Variants in PKD1L1 observed in about 807,000 individuals in gnomAD.
PKD1L1 encodes polycystin-1-like protein 1.
Under a neutral mutation model 323.4 loss-of-function variants are expected in PKD1L1, and 236 were observed. That is an observed-to-expected ratio of 0.73 (90% CI 0.66 to 0.81). PKD1L1 has a LOEUF of 0.81. Ranked by LOEUF, PKD1L1 falls within the 40% of genes least tolerant of loss-of-function variation. The pLI is 0.00. For missense variants in PKD1L1, 3,320 were observed against 3,508.0 expected, an observed-to-expected ratio of 0.95 and a Z score of 1.35; for synonymous variants, 1,344 against 1,335.0, an observed-to-expected ratio of 1.01 and a Z score of -0.15.
At chr7:47,943,159 AAAAAATATATATATATATAT>A (rs1424669535) in intron 2 of PKD1L1, among the ~76,000 whole-genome samples, 17 of 73,760 alleles carry the variant, frequency 2.3e-4, no homozygotes, top group Non-Finnish European at 3.7e-4. Flanking sequence ...AAAAAAAAAA[AAAAAATATATATATATATAT>A]ATATATATAT....
intron 21 of PKD1L1, 44 bp downstream of exon 21, chr7:47,880,684 G>C: frequency 6.8e-7 from 1 of 1,478,592 alleles, no homozygotes; most frequent in Non-Finnish European, 9.3e-7. Context: ...AGACGCAGCA[G>C]GACTCCTCAT....
At chr7:47,872,511 TAC>T (rs1343730288) in intron 24 of PKD1L1, among the ~76,000 whole-genome samples, 1 of 152,172 alleles carries the variant, frequency 6.6e-6, no homozygotes, top group Non-Finnish European at 1.5e-5. Context: ...ATTATAAAAA[TAC>T]AGATAACCTA....
intron 33 of PKD1L1, among the ~76,000 whole-genome samples, chr7:47,843,946 A>T (rs1439286605): frequency 6.6e-6 from 1 of 151,786 alleles, no homozygotes; most frequent in African/African-American, 2.4e-5. Flanking sequence ...CTTTTTTCCC[A>T]CCAAGATAGA....
At chr7:47,947,981 TAAGACCCCTGGGCC>T (rs1277509191) in intron 1 of PKD1L1, among the ~76,000 whole-genome samples, 1 of 151,802 alleles carries the variant, frequency 6.6e-6, no homozygotes, top group Non-Finnish European at 1.5e-5. Flanking sequence ...AAAAAAGAAA[TAAGACCCCTGGGCC>T]AAGACCCCAT....
intron 41 of PKD1L1, among the ~76,000 whole-genome samples, chr7:47,832,881 C>T (rs1785376301): frequency 6.6e-6 from 1 of 152,254 alleles, no homozygotes; most frequent in Non-Finnish European, 1.5e-5. Context: ...TCTGACCAAA[C>T]TTACGTTAAG....
intron 56 of PKD1L1, among the ~76,000 whole-genome samples, chr7:47,781,387 GTTTTT>G (rs200570381): frequency 2.5e-5 from 3 of 121,702 alleles, no homozygotes; most frequent in Admixed American, 9.0e-5. Flanking sequence ...AGAACAAAAG[GTTTTT>G]TTTTTTGTTT....
chr7:47,898,855 C>T (rs548955347), intron 13 of PKD1L1, among the ~76,000 whole-genome samples: 11 of 151,948 alleles, frequency 7.2e-5, no homozygotes, highest in Admixed American at 2.0e-4. Context: ...AAAACATACC[C>T]TTGTGCAATT....
At chr7:47,888,985 G>A (rs781149809) in intron 16 of PKD1L1, among the ~76,000 whole-genome samples, 3 of 152,226 alleles carry the variant, frequency 2.0e-5, no homozygotes, top group South Asian at 2.1e-4. Context: ...TGCACCTGAC[G>A]GCCCACGTCT....
chr7:47,956,646 A>AT, the PKD1L1 span: 2 of 152,266 alleles, frequency 1.3e-5, no homozygotes, highest in Non-Finnish European at 2.9e-5. Context: ...ATATCAATGT[A>AT]TAACTACAAA....
At chr7:47,810,619 A>G (rs1029514744) in intron 50 of PKD1L1, among the ~76,000 whole-genome samples, 1 of 152,140 alleles carries the variant, frequency 6.6e-6, no homozygotes, top group East Asian at 1.9e-4. Context: ...AGAGTCTAAA[A>G]CCTCTTGGGA....
intron 24 of PKD1L1, among the ~76,000 whole-genome samples, chr7:47,869,487 T>G (rs1176666928): frequency 6.6e-6 from 1 of 152,018 alleles, no homozygotes; most frequent in Non-Finnish European, 1.5e-5. Context: ...AAAAAGAAAT[T>G]AGACAAAAAC....
chr7:47,950,580 C>T (rs1022316094), upstream of PKD1L1, among the ~76,000 whole-genome samples: 3 of 152,092 alleles, frequency 2.0e-5, no homozygotes, highest in African/African-American at 7.2e-5. Context: ...TGTGGTGATG[C>T]ACGCCTGTAA....
chr7:47,943,277 T>G (rs1205754844), intron 2 of PKD1L1, 119 bp downstream of exon 2: 2 of 783,778 alleles, frequency 2.6e-6, no homozygotes, highest in African/African-American at 3.5e-5. Context: ...ACTCTGACCT[T>G]CCTTCTGTTT....
chr7:47,890,864 G>A (rs1029278683), intron 15 of PKD1L1, 101 bp from the exon 16 acceptor site: 36 of 970,590 alleles, frequency 3.7e-5, no homozygotes, highest in Non-Finnish European at 5.1e-5. Flanking sequence ...GGGGACCACA[G>A]GGGACACGTG....
Position 47,946,547 on chromosome 7 carries a change from C to T in PKD1L1, c.44+1850G>A, listed in dbSNP as rs2128759986. On this transcript the variant is annotated intron_variant, in intron 1 of 56. Transcript: ENST00000289672. The surrounding 1 kb of genome is among the most constrained non-coding windows in gnomAD (Gnocchi z 4.1). Reference sequence around the variant, plus strand: ...CACACACACACCAACACATTACACACACATCACACAGCACACACCATGTAT... The same window carrying T: ...CACACACACACCAACACATTACACATACATCACACAGCACACACCATGTAT... Among the ~76,000 whole-genome samples, 1 of 151,238 alleles carries T rather than the reference C, an allele frequency of 6.6e-6. No individual in the cohort carries two copies. The highest frequency in any genetic ancestry group is 1.5e-5 in the Non-Finnish European group (1 of 67,714).
At chr7:47,947,693 T>C (rs934237477) in intron 1 of PKD1L1, among the ~76,000 whole-genome samples, 12 of 152,284 alleles carry the variant, frequency 7.9e-5, no homozygotes, top group East Asian at 1.9e-4. Flanking sequence ...GGAGGCTGGG[T>C]GCGGTGGCTT....
At chr7:47,957,858 A>ATATATATAT in the PKD1L1 span, among the ~76,000 whole-genome samples, 2 of 48,084 alleles carry the variant, frequency 4.2e-5, no homozygotes. Flanking sequence ...TACAATTAAA[A>ATATATATAT]AAAAATATAT....
In PKD1L1 at chr7:47,903,899, C is replaced by T. The variant is rs558298916; in HGVS notation, c.1931+479G>A. Among the ~76,000 whole-genome samples the T allele has an allele frequency of 3.3e-5, 5 of 152,290 alleles. No individual in the cohort carries two copies. The South Asian group carries it at 1.0e-3, about 32-fold the overall frequency. ...GTACACAGTGGACACTCAGTAAATG[C>T]AGAGTTAAAGGACAGAGTTCATGCT... On this transcript the variant is annotated intron_variant, in intron 12 of 56. Coordinates refer to ENST00000289672, the MANE Select transcript of PKD1L1 (RefSeq NM_138295.5).
chr7:47,825,669 T>A (rs1250157165), intron 45 of PKD1L1, among the ~76,000 whole-genome samples: 1 of 152,190 alleles, frequency 6.6e-6, no homozygotes, highest in Non-Finnish European at 1.5e-5. Flanking sequence ...TGTAATCCAA[T>A]TTACTTTTAT....
Sources: gnomAD v4.1 joint callset for allele counts (sites outside exome capture counted in the v4.1 genomes callset) on GRCh38, gnomAD v4.1.1 for gene constraint, Gnocchi (gnomAD v3.1) non-coding constraint, MANE v1.5 for transcripts, NCBI Gene and HGNC (gene_info 2026-07-23, HGNC 2026-07-21) for gene names.